The following TCAIM variants were observed in gnomAD, a reference collection of about 807,000 sequenced individuals.
The protein encoded by TCAIM is T-cell activation inhibitor, mitochondrial.
TCAIM carries 36 observed loss-of-function variants against 58.6 expected under a neutral mutation model. That is an observed-to-expected ratio of 0.61 (90% CI 0.47 to 0.81). The LOEUF is 0.81. TCAIM is among the 30% of genes least tolerant of loss of function. TCAIM has a pLI of 0.00. For missense variants in TCAIM, 466 were observed against 579.6 expected (o/e 0.80, Z 2.01); for synonymous variants, 172 against 193.6 (o/e 0.89, Z 0.93).
intron 1 of TCAIM, among the ~76,000 whole-genome samples, chr3:44,339,107 C>A (rs1700799515): frequency 1.3e-5 from 2 of 152,088 alleles, no homozygotes; most frequent in South Asian, 4.1e-4. Context: ...TCTCATATAG[C>A]GAGATTTAGA....
intron 4 of TCAIM, among the ~76,000 whole-genome samples, chr3:44,367,145 A>C (rs578139457): frequency 6.6e-6 from 1 of 152,334 alleles, no homozygotes. Context: ...AGAATTGAGA[A>C]TATTCTAAAT....
At chr3:44,368,963 C>T (rs981431913) in intron 5 of TCAIM, among the ~76,000 whole-genome samples, 5 of 152,044 alleles carry the variant, frequency 3.3e-5, no homozygotes, top group African/African-American at 9.7e-5. Context: ...TTTGAGGCTG[C>T]GGTGAACTAT....
chr3:44,354,073 A>C lies in TCAIM; in HGVS notation c.-44-666A>C, dbSNP rs114524872. The stretch of plus-strand genomic sequence containing the variant: ...CATTTTATATTTAGGTCTGTGACCC[A>C]TTTTGAGTTAATTTTTGTGAACAAT... On this transcript the variant is annotated intron_variant, in intron 1 of 10. Transcript: ENST00000342649. 8.9e-3 allele frequency among the ~76,000 whole-genome samples: 1,354 copies of C among 152,252 alleles called. 20 individuals carry two copies. The highest frequency in any genetic ancestry group is 0.031 in the African/African-American group (1,307 of 41,538).
intron 5 of TCAIM, among the ~76,000 whole-genome samples, chr3:44,377,312 C>A (rs1701581599): frequency 6.6e-6 from 1 of 152,064 alleles, no homozygotes; most frequent in Non-Finnish European, 1.5e-5. Context: ...GGCTCCACAA[C>A]AACAAGAGAT....
chr3:44,384,778 C>G (rs564385647), intron 5 of TCAIM, among the ~76,000 whole-genome samples: 6 of 152,308 alleles, frequency 3.9e-5, no homozygotes, highest in African/African-American at 1.4e-4. Flanking sequence ...TTCCCTGCAA[C>G]TTGGGTTCTA....
rs62253899 is a variant in TCAIM, at chr3:44,407,895, G to A, written c.*213G>A. 5.6e-4 allele frequency: 247 copies of A among 440,730 alleles called. No individual in the cohort carries two copies. Among genetic ancestry groups the A allele is most frequent in the Non-Finnish European group, 7.8e-4 (204 of 260,466 alleles). The allele number at this position is 440,730 out of a possible 1,614,324, so 27.3% of individuals were successfully genotyped here. A position where few individuals can be genotyped will look rare whatever the true frequency, so the allele number is the denominator to read the frequency against. ...TCATGCCTGCGGTCCCAGCTACTTA[G>A]GGAGGCTAAGATAGGAGGATCACTT... is the stretch of plus-strand genomic sequence containing the variant. On this transcript the variant is annotated 3_prime_UTR_variant, in exon 11 of 11. Coordinates refer to ENST00000342649, the MANE Select transcript of TCAIM (RefSeq NM_173826.4).
intron 8 of TCAIM, 34 bp downstream of exon 8, chr3:44,396,868 T>G: frequency 6.3e-7 from 1 of 1,586,244 alleles, no homozygotes; most frequent in Non-Finnish European, 8.6e-7. Context: ...AAACTCCTTG[T>G]CATTCATAAA....
At chr3:44,364,161 C>T (rs372151603) in intron 4 of TCAIM, among the ~76,000 whole-genome samples, 155 of 150,890 alleles carry the variant, frequency 1.0e-3, no homozygotes, top group African/African-American at 3.6e-3. Flanking sequence ...TCTCTTAACC[C>T]CGTGATCCGC....
rs558454489 is a variant in TCAIM at position 44,357,656 on chromosome 3, G to C, written c.30-85G>C. 5.0e-5 allele frequency: 77 copies of C among 1,538,872 alleles called. No homozygotes were observed. The African/African-American group carries it at 9.9e-4, about 20-fold the overall frequency. On this transcript the variant is annotated intron_variant, in intron 2 of 10. Transcript: ENST00000342649. Reference sequence around the variant, plus strand: ...ATCTTGTTTCTGCTGTGCATAGTACGTTTAGTTTTATTGTCACTTATACAT... The same window carrying C: ...ATCTTGTTTCTGCTGTGCATAGTACCTTTAGTTTTATTGTCACTTATACAT...
At chr3:44,388,123 A>G (rs1701774019) in intron 5 of TCAIM, among the ~76,000 whole-genome samples, 2 of 151,964 alleles carry the variant, frequency 1.3e-5, no homozygotes, top group South Asian at 2.1e-4. Flanking sequence ...CTTTACCCCT[A>G]AATACCTAGG....
Position 44,396,462 on chromosome 3 carries a change from C to A in TCAIM, c.758C>A (p.Ala253Glu), listed in dbSNP as rs1701936982. 6.2e-7 allele frequency: 1 copy of A among 1,613,444 alleles called. No homozygotes were observed. Among genetic ancestry groups the A allele is most frequent in the Non-Finnish European group, 8.5e-7 (1 of 1,179,966 alleles). Reference protein sequence around the residue: ...CSQLHSLSRLAQQNLETLKKA... With the variant: ...CSQLHSLSRLEQQNLETLKKA... ...CAGCTGCATAGTTTAAGCCGCTTAG[C>A]ACAGCAGAATTTGGAAACACTTAAA... The change falls in exon 7 of 11, where the codon GCA becomes GAA. Residue 253 changes from alanine to glutamate, a missense_variant. Transcript: ENST00000342649.
chr3:44,396,637 C>A, intron 7 of TCAIM, 106 bp from the exon 8 acceptor site: 2 of 1,422,556 alleles, frequency 1.4e-6, no homozygotes, highest in Non-Finnish European at 9.7e-7. Context: ...TAAAATTAGC[C>A]TTTAAGCTTC....
intron 6 of TCAIM, among the ~76,000 whole-genome samples, chr3:44,395,358 C>T (rs1042054925): frequency 1.3e-5 from 2 of 152,098 alleles, no homozygotes; most frequent in African/African-American, 4.8e-5. Context: ...TCTTGAGCGC[C>T]TGTTTTGAAT....
rs1183863431 is a variant in TCAIM at position 44,348,100 on chromosome 3, C to T, written c.-44-6639C>T. The stretch of plus-strand genomic sequence containing the variant: ...TGGGGAGTTTTAAGAGGTTTAGAAG[C>T]CTGGCCGTCAATACCCACAACAGTT... On this transcript the variant is annotated intron_variant, in intron 1 of 10. Coordinates refer to ENST00000342649, the MANE Select transcript of TCAIM (RefSeq NM_173826.4). 3.9e-5 allele frequency among the ~76,000 whole-genome samples: 6 copies of T among 152,240 alleles called. No individual in the cohort carries two copies. In the East Asian group the frequency reaches 1.2e-3, roughly 29 times the overall value.
chr3:44,385,993 T>C (rs910615263), intron 5 of TCAIM, among the ~76,000 whole-genome samples: 3 of 152,138 alleles, frequency 2.0e-5, no homozygotes, highest in Non-Finnish European at 4.4e-5. Flanking sequence ...ACTTATACTT[T>C]CTTTTTTTTT....
intron 1 of TCAIM, chr3:44,340,918 C>G (rs549600166): frequency 1.3e-5 from 2 of 152,212 alleles, no homozygotes; most frequent in African/African-American, 4.8e-5. Flanking sequence ...ACTTAGTCGT[C>G]AGAGCCCATT....
At chr3:44,388,768 C>G (rs1267497320) in intron 5 of TCAIM, among the ~76,000 whole-genome samples, 3 of 152,142 alleles carry the variant, frequency 2.0e-5, no homozygotes, top group Non-Finnish European at 2.9e-5. Context: ...TGTGAAGTGC[C>G]TATGTCCCCA....
chr3:44,360,906 CCTT>C (rs1199344148), intron 3 of TCAIM, among the ~76,000 whole-genome samples: 6 of 152,176 alleles, frequency 3.9e-5, no homozygotes, highest in Non-Finnish European at 8.8e-5. Context: ...CCACGTCCAG[CCTT>C]CTTGTGTTGC....
At chr3:44,394,622 A>G (rs958796781) in intron 6 of TCAIM, among the ~76,000 whole-genome samples, 3 of 151,790 alleles carry the variant, frequency 2.0e-5, no homozygotes, top group South Asian at 2.1e-4. Context: ...CCGGCCGGGT[A>G]TGGTGGCTCA....
Sources: allele counts gnomAD v4.1 joint callset (sites outside exome capture counted in the v4.1 genomes callset), GRCh38; gene constraint gnomAD v4.1.1; transcripts MANE v1.5; gene names NCBI Gene and HGNC (gene_info 2026-07-23, HGNC 2026-07-21).